Variants in KAZN observed in about 807,000 individuals in gnomAD.
KAZN encodes the protein kazrin.
In KAZN, 40 loss-of-function variants were observed where a neutral mutation model predicts 87.4. The ratio of observed to expected loss-of-function variants is 0.46; its 90% CI spans 0.36 to 0.60. The LOEUF (loss-of-function observed/expected upper bound fraction) is 0.60, where lower values mean the gene tolerates loss of function less well. KAZN is among the 20% of genes least tolerant of loss of function. The pLI, the probability that KAZN is intolerant of heterozygous loss-of-function variation, is 0.00. For synonymous variants in KAZN, 466 were observed against 458.3 expected (o/e 1.02, Z -0.22); for missense variants, 898 against 1,073.9 (o/e 0.84, Z 2.29).
chr1:14,296,069 T>G (rs1395511899), intron 2 of KAZN, among the ~76,000 whole-genome samples: 1 of 152,196 alleles, frequency 6.6e-6, no homozygotes, highest in African/African-American at 2.4e-5. Context: ...CCATAAGGAT[T>G]AAATGACTTT....
intron 1 of KAZN, among the ~76,000 whole-genome samples, chr1:13,974,255 CCA>C (rs1178865074): frequency 6.6e-6 from 1 of 152,256 alleles, no homozygotes; most frequent in Non-Finnish European, 1.5e-5. Context: ...CTAGAATAAA[CCA>C]CATTGTACAA....
chr1:14,914,159 G>T (rs780126644), intron 1 of KAZN, among the ~76,000 whole-genome samples: 1 of 152,216 alleles, frequency 6.6e-6, no homozygotes, highest in Non-Finnish European at 1.5e-5. Flanking sequence ...GATTCAGGAG[G>T]TCTGGGGTGG....
chr1:14,746,442 T>A (rs970557243), intron 1 of KAZN, among the ~76,000 whole-genome samples: 1 of 152,216 alleles, frequency 6.6e-6, no homozygotes, highest in Non-Finnish European at 1.5e-5. Context: ...GAGAGGTCAC[T>A]GGCAGACAAT....
chr1:14,067,546 T>C (rs1414447339), intron 1 of KAZN, among the ~76,000 whole-genome samples: 1 of 152,120 alleles, frequency 6.6e-6, no homozygotes, highest in East Asian at 1.9e-4. Flanking sequence ...ATGGGCTTAT[T>C]TATGTTTATA....
intron 1 of KAZN, among the ~76,000 whole-genome samples, chr1:14,136,041 T>G (rs1197078545): frequency 6.6e-6 from 1 of 152,124 alleles, no homozygotes; most frequent in Non-Finnish European, 1.5e-5. Context: ...TGTGGAGGTC[T>G]CTGAAGAATG....
chr1:14,043,202 A>G (rs1641914272), intron 1 of KAZN, among the ~76,000 whole-genome samples: 2 of 152,288 alleles, frequency 1.3e-5, no homozygotes, highest in East Asian at 1.9e-4. Flanking sequence ...TTCACTTAAC[A>G]TAACGTCTTT....
chr1:14,175,458 T>G (rs528582962), intron 1 of KAZN, among the ~76,000 whole-genome samples: 33 of 152,328 alleles, frequency 2.2e-4, no homozygotes, highest in Admixed American at 1.0e-3. Context: ...CTGATGGAAT[T>G]TATTCTTTGA....
chr1:14,580,893 C>A (rs967689220), intron 2 of KAZN, among the ~76,000 whole-genome samples: 3 of 152,082 alleles, frequency 2.0e-5, no homozygotes, highest in African/African-American at 4.8e-5. Flanking sequence ...TTTAACAGGG[C>A]CTCCTTCAAA....
At chr1:14,491,380 G>A (rs1446595111) in intron 2 of KAZN, among the ~76,000 whole-genome samples, 2 of 152,080 alleles carry the variant, frequency 1.3e-5, no homozygotes, top group Admixed American at 6.6e-5. Flanking sequence ...GTATAGACGT[G>A]CCATGGTGGT....
intron 2 of KAZN, among the ~76,000 whole-genome samples, chr1:14,224,797 C>T (rs1300250958): frequency 6.6e-6 from 1 of 152,090 alleles, no homozygotes; most frequent in East Asian, 1.9e-4. Flanking sequence ...TCAACTCTTC[C>T]TTTTCATAAT....
At chr1:14,418,079 C>G (rs999277792) in intron 2 of KAZN, among the ~76,000 whole-genome samples, 1 of 143,848 alleles carries the variant, frequency 7.0e-6, no homozygotes, top group African/African-American at 2.6e-5. Flanking sequence ...CTAGACATGT[C>G]CCCTCCCAGG....
chr1:14,380,455 G>A (rs1237826218), intron 2 of KAZN, among the ~76,000 whole-genome samples: 1 of 152,100 alleles, frequency 6.6e-6, no homozygotes, highest in Non-Finnish European at 1.5e-5. Context: ...GAAACTTAAA[G>A]AAATTCAAGA....
intron 1 of KAZN, among the ~76,000 whole-genome samples, chr1:13,989,102 C>T (rs1639160519): frequency 6.6e-6 from 1 of 152,122 alleles, no homozygotes; most frequent in South Asian, 2.1e-4. Context: ...GAAAAGGGGA[C>T]TGAACTCACC....
At chr1:14,784,417 C>G (rs970531785) in intron 1 of KAZN, among the ~76,000 whole-genome samples, 16 of 152,162 alleles carry the variant, frequency 1.1e-4, no homozygotes, top group African/African-American at 3.9e-4. Context: ...TCTGCAGACC[C>G]TCCTCCTCTC....
chr1:15,032,293 C>T (rs1046502888), intron 2 of KAZN, among the ~76,000 whole-genome samples: 5 of 149,788 alleles, frequency 3.3e-5, no homozygotes, highest in African/African-American at 7.4e-5. Context: ...CCCAGGTTCA[C>T]GCCATTCTCC....
chr1:15,111,273 T>G (rs201158161), intron 13 of KAZN, among the ~76,000 whole-genome samples: 1 of 107,554 alleles, frequency 9.3e-6, no homozygotes, highest in Admixed American at 1.0e-4. Flanking sequence ...TGTTGTTGTT[T>G]GTTGTTGTTG....
chr1:13,950,503 G>A (rs989925163), intron 1 of KAZN, among the ~76,000 whole-genome samples: 9 of 152,198 alleles, frequency 5.9e-5, no homozygotes, highest in African/African-American at 2.2e-4. Context: ...TGAATGAGTT[G>A]TCTGAGTTAT....
intron 2 of KAZN, among the ~76,000 whole-genome samples, chr1:14,224,680 C>T (rs1472648613): frequency 6.6e-6 from 1 of 152,022 alleles, no homozygotes; most frequent in Non-Finnish European, 1.5e-5. Flanking sequence ...AGGGATGCCT[C>T]AAGAATCTCA....
At chr1:14,402,982 A>T (rs905483216) in intron 2 of KAZN, among the ~76,000 whole-genome samples, 2 of 152,102 alleles carry the variant, frequency 1.3e-5, no homozygotes, top group African/African-American at 4.8e-5. Flanking sequence ...GCATGCCACC[A>T]CATCTGGCTA....
Sources: gnomAD v4.1 joint callset for allele counts (sites outside exome capture counted in the v4.1 genomes callset) on GRCh38, gnomAD v4.1.1 for gene constraint, MANE v1.5 for transcripts, NCBI Gene and HGNC (gene_info 2026-07-23, HGNC 2026-07-21) for gene names.